The following WWOX variants were observed in gnomAD, a reference collection of about 807,000 sequenced individuals.
WWOX encodes WW domain-containing oxidoreductase.
A neutral mutation model predicts 46.2 loss-of-function variants in WWOX; 69 were observed. The ratio of observed to expected loss-of-function variants is 1.49; its 90% CI spans 1.23 to 1.82. The LOEUF (loss-of-function observed/expected upper bound fraction) is 1.82. WWOX is among the 40% of genes most tolerant of loss of function. WWOX has a pLI of 0.00. For missense variants in WWOX, 919 were observed against 542.6 expected (o/e 1.69, Z -6.89); for synonymous variants, 359 against 202.6 (o/e 1.77, Z -6.56).
chr16:79,163,936 G>A (rs981933394), intron 8 of WWOX, among the ~76,000 whole-genome samples: 1 of 149,236 alleles, frequency 6.7e-6, no homozygotes, highest in South Asian at 2.1e-4. Context: ...TGCTTCTGCC[G>A]TTTCTAGCCC....
At chr16:78,648,997 G>C (rs1280361654) in intron 8 of WWOX, among the ~76,000 whole-genome samples, 1 of 151,576 alleles carries the variant, frequency 6.6e-6, no homozygotes, top group African/African-American at 2.4e-5. Context: ...TTTTTGAGAG[G>C]GAGTCTCGCT....
intron 8 of WWOX, among the ~76,000 whole-genome samples, chr16:78,515,723 T>A (rs1272790364): frequency 6.6e-6 from 1 of 152,210 alleles, no homozygotes; most frequent in African/African-American, 2.4e-5. Context: ...CGTTGCCCGT[T>A]GCCCTAGGTC....
Position 78,347,497 on chromosome 16 carries a change from C to T in WWOX, c.517-39363C>T. ...ATGTCCCCCCACATATCATTGCTAT[C>T]CCTCCTCGACACCCACACCTCTTGC... On this transcript the variant is annotated intron_variant, in intron 5 of 8. Coordinates refer to ENST00000566780, the MANE Select transcript of WWOX (RefSeq NM_016373.4). Among the ~76,000 whole-genome samples, 2 of 117,806 alleles carry T rather than the reference C, an allele frequency of 1.7e-5. 1 individual carries two copies. Among genetic ancestry groups the T allele is most frequent in the Non-Finnish European group, 4.0e-5 (2 of 49,680 alleles). 77.3% of individuals were successfully genotyped at this position (117,806 alleles called of 152,430 possible). A position where few individuals can be genotyped will look rare whatever the true frequency, so the allele number is the denominator to read the frequency against.
At chr16:78,361,144 G>A (rs537068728) in intron 5 of WWOX, among the ~76,000 whole-genome samples, 1 of 151,932 alleles carries the variant, frequency 6.6e-6, no homozygotes, top group African/African-American at 2.4e-5. Flanking sequence ...GTCTTTGATA[G>A]TTGCTTACTT....
chr16:78,506,899 A>T lies in WWOX; in HGVS notation c.1056+74147A>T, dbSNP rs577235721. On this transcript the variant is annotated intron_variant, in intron 8 of 8. Coordinates refer to ENST00000566780, the MANE Select transcript of WWOX (RefSeq NM_016373.4). Reference sequence around the variant, plus strand: ...GGCTAATTTTTTGTATTTTTAGTAGAGACGGGATTTCACCATGTTGGCCAT... The same window carrying T: ...GGCTAATTTTTTGTATTTTTAGTAGTGACGGGATTTCACCATGTTGGCCAT... Among the ~76,000 whole-genome samples the T allele has an allele frequency of 6.8e-4, 104 of 152,020 alleles. 2 individuals carry two copies. Among genetic ancestry groups the T allele is most frequent in the African/African-American group, 2.4e-3 (100 of 41,462 alleles).
rs144078156 is a variant in WWOX, at chr16:79,027,250, A to T, written c.1057-184358A>T. Among the ~76,000 whole-genome samples the T allele has an allele frequency of 3.2e-3, 467 of 143,876 alleles. 14 individuals are homozygous for T. Among genetic ancestry groups the T allele is most frequent in the African/African-American group, 0.012 (447 of 37,774 alleles). 94.4% of individuals were successfully genotyped at this position (143,876 alleles called of 152,430 possible). ...GGCTGTGATCATGCCACTGCACTTC[A>T]GCCTGGGTGACAGAGAAAGACTCCA... On this transcript the variant is annotated intron_variant, in intron 8 of 8. Coordinates refer to ENST00000566780, the MANE Select transcript of WWOX (RefSeq NM_016373.4).
intron 4 of WWOX, among the ~76,000 whole-genome samples, chr16:78,119,330 G>C (rs2032974667): frequency 6.6e-6 from 1 of 152,174 alleles, no homozygotes; most frequent in Non-Finnish European, 1.5e-5. Flanking sequence ...CATTGAGGAA[G>C]GTCCCTGCTT....
chr16:78,726,948 T>C (rs2048850009), intron 8 of WWOX, among the ~76,000 whole-genome samples: 1 of 152,218 alleles, frequency 6.6e-6, no homozygotes. Flanking sequence ...TGCACAGTGC[T>C]GAGCTTTTGT....
chr16:78,193,686 G>C (rs1222065543), intron 5 of WWOX, among the ~76,000 whole-genome samples: 1 of 152,074 alleles, frequency 6.6e-6, no homozygotes, highest in African/African-American at 2.4e-5. Context: ...CACCATATGG[G>C]TATGTGAGTA....
At chr16:78,811,442 TCCTTTCCTTTC>T (rs780148383) in intron 8 of WWOX, among the ~76,000 whole-genome samples, 11 of 152,082 alleles carry the variant, frequency 7.2e-5, no homozygotes, top group South Asian at 2.1e-4. Flanking sequence ...CTCCCTTTCT[TCCTTTCCTTTC>T]CCTTTCCTTT....
intron 8 of WWOX, among the ~76,000 whole-genome samples, chr16:79,057,348 C>G (rs2048281880): frequency 6.6e-6 from 1 of 152,164 alleles, no homozygotes; most frequent in African/African-American, 2.4e-5. Context: ...CAATTGCCCC[C>G]AAATTATCGA....
At chr16:78,663,928 C>T (rs964982954) in intron 8 of WWOX, among the ~76,000 whole-genome samples, 2 of 152,164 alleles carry the variant, frequency 1.3e-5, no homozygotes, top group African/African-American at 2.4e-5. Context: ...ATAGACAACG[C>T]TATCAAGAGG....
intron 8 of WWOX, among the ~76,000 whole-genome samples, chr16:79,071,026 A>G (rs1110562): frequency 0.98 from 149,084 of 152,288 alleles, 72,985 homozygotes; most frequent in East Asian, 1. Context: ...CGAGGGATGC[A>G]GCCCATACGT....
intron 8 of WWOX, among the ~76,000 whole-genome samples, chr16:78,588,092 C>G (rs775897997): frequency 6.6e-6 from 1 of 152,172 alleles, no homozygotes; most frequent in African/African-American, 2.4e-5. Context: ...GGCCCTAACC[C>G]TTGCCTTCCT....
intron 8 of WWOX, among the ~76,000 whole-genome samples, chr16:79,088,091 C>G (rs1421108960): frequency 6.6e-6 from 1 of 152,158 alleles, no homozygotes; most frequent in Non-Finnish European, 1.5e-5. Context: ...GTGAGCTCAT[C>G]TGGTACTCTT....
At chr16:79,210,674 C>T (rs967277151) in intron 8 of WWOX, among the ~76,000 whole-genome samples, 26 of 152,250 alleles carry the variant, frequency 1.7e-4, no homozygotes, top group African/African-American at 5.5e-4. Flanking sequence ...TAGAGACGTG[C>T]CGACCATGTC....
At chr16:78,968,335 AG>A (rs2046404690) in intron 8 of WWOX, among the ~76,000 whole-genome samples, 1 of 152,228 alleles carries the variant, frequency 6.6e-6, no homozygotes, top group Non-Finnish European at 1.5e-5. Flanking sequence ...GACCCGAGGC[AG>A]GAACCATGTG....
intron 8 of WWOX, among the ~76,000 whole-genome samples, chr16:78,448,939 G>C (rs957890348): frequency 6.6e-6 from 1 of 152,148 alleles, no homozygotes; most frequent in Non-Finnish European, 1.5e-5. Context: ...CGGCTATCTT[G>C]CTTCTAACAA....
chr16:79,127,396 T>C (rs2049781149), intron 8 of WWOX, among the ~76,000 whole-genome samples: 1 of 152,194 alleles, frequency 6.6e-6, no homozygotes, highest in African/African-American at 2.4e-5. Context: ...TCTTTTTGCT[T>C]GACAATATAT....
Sources: gnomAD v4.1 joint callset for allele counts (sites outside exome capture counted in the v4.1 genomes callset) on GRCh38, gnomAD v4.1.1 for gene constraint, MANE v1.5 for transcripts, NCBI Gene and HGNC (gene_info 2026-07-23, HGNC 2026-07-21) for gene names.